Variants in GSK3B observed in about 807,000 individuals in gnomAD.
GSK3B encodes the protein glycogen synthase kinase-3 beta.
In GSK3B, 15 loss-of-function variants were observed where a neutral mutation model predicts 56.4. That is an observed-to-expected ratio of 0.27 (90% CI 0.18 to 0.41). The LOEUF (loss-of-function observed/expected upper bound fraction) is 0.41. Among genes scored for constraint, GSK3B ranks in the 10% least tolerant of loss-of-function variants. The pLI is 1.00. For missense variants in GSK3B, 300 were observed against 513.4 expected, an observed-to-expected ratio of 0.58 and a Z score of 4.02; for synonymous variants, 181 against 188.9, an observed-to-expected ratio of 0.96 and a Z score of 0.34.
Position 119,947,314 on chromosome 3 carries a change from C to T in GSK3B, c.320G>A (p.Cys107Tyr), listed in dbSNP as rs773253962. 2 of 1,607,078 alleles carry T rather than the reference C, an allele frequency of 1.2e-6. No individual in the cohort carries two copies. The highest frequency in any genetic ancestry group is 8.5e-7 in the Non-Finnish European group (1 of 1,173,894). ...ELQIMRKLDHCNIVRLRYFFY... is the reference protein window; with the variant it reads ...ELQIMRKLDHYNIVRLRYFFY... ...GAAATAACGCAATCGGACTATGTTA[C>T]AGTGATCTAGCTTTCTCATGATCTG... The change falls in exon 3 of 11, where the codon TGT (cysteine) becomes TAT (tyrosine). Residue 107 changes from cysteine to tyrosine, a missense_variant. By Grantham distance (194) the Cys-to-Tyr change is radical. Transcript: ENST00000264235.
At chr3:119,913,660 CAA>C (rs199773113) in intron 5 of GSK3B, among the ~76,000 whole-genome samples, 1 of 141,402 alleles carries the variant, frequency 7.1e-6, no homozygotes, top group African/African-American at 2.6e-5. Flanking sequence ...CAGTAAGTGC[CAA>C]AAAAAAAAAG....
intron 1 of GSK3B, among the ~76,000 whole-genome samples, chr3:120,013,254 G>A (rs1293680173): frequency 6.6e-6 from 1 of 152,154 alleles, no homozygotes; most frequent in African/African-American, 2.4e-5. Context: ...GTAGGTGTCT[G>A]GCACTGACAC....
At position 119,906,637 on chromosome 3, in the gene GSK3B, C is replaced by G. The variant is rs759094671; in HGVS notation, c.716-785G>C. On this transcript the variant is annotated intron_variant, in intron 6 of 10. Transcript: ENST00000264235. ...TTATCGGATTAGAAGATAAACCGTA[C>G]GGTCACTCTATTTTAAAGCCCGCTA... 3.3e-5 allele frequency among the ~76,000 whole-genome samples: 5 copies of G among 151,968 alleles called. No individual in the cohort carries two copies. In the East Asian group the frequency reaches 9.7e-4, roughly 29 times the overall value.
intron 10 of GSK3B, among the ~76,000 whole-genome samples, chr3:119,838,074 G>A (rs142371272): frequency 0.017 from 2,503 of 151,396 alleles, 125 homozygotes; most frequent in Admixed American, 0.11. Context: ...GATCACTTGA[G>A]GCCAGGAGTT....
intron 2 of GSK3B, among the ~76,000 whole-genome samples, chr3:119,970,942 G>A (rs1054229619): frequency 6.6e-6 from 1 of 152,020 alleles, no homozygotes; most frequent in Non-Finnish European, 1.5e-5. Flanking sequence ...TCACTGTTTT[G>A]TAGACTTTTC....
At chr3:119,980,444 A>G (rs1192049094) in intron 2 of GSK3B, among the ~76,000 whole-genome samples, 1 of 151,952 alleles carries the variant, frequency 6.6e-6, no homozygotes, top group Non-Finnish European at 1.5e-5. Flanking sequence ...CCTCTGCCTC[A>G]TGGGTTCAAG....
chr3:119,973,311 T>C (rs2057384000), intron 2 of GSK3B, among the ~76,000 whole-genome samples: 1 of 152,198 alleles, frequency 6.6e-6, no homozygotes, highest in Non-Finnish European at 1.5e-5. Flanking sequence ...CTGTTCTGAG[T>C]AGTGTGATGA....
intron 1 of GSK3B, among the ~76,000 whole-genome samples, chr3:120,028,572 G>A (rs1266471023): frequency 3.9e-5 from 6 of 152,188 alleles, no homozygotes; most frequent in African/African-American, 1.4e-4. Flanking sequence ...GAGCTCCTCA[G>A]CTCTACCTCT....
chr3:120,090,289 C>T, intron 1 of GSK3B, among the ~76,000 whole-genome samples: 1 of 151,766 alleles, frequency 6.6e-6, no homozygotes, highest in East Asian at 1.9e-4. Context: ...CCTTAGTTTA[C>T]TGCTCCCGAA....
intron 7 of GSK3B, among the ~76,000 whole-genome samples, chr3:119,895,230 C>T (rs1401963664): frequency 6.6e-6 from 1 of 152,110 alleles, no homozygotes; most frequent in Non-Finnish European, 1.5e-5. Context: ...TCCAGGTTCA[C>T]CCATGTTGTC....
chr3:119,925,848 T>C (rs2056884426), intron 3 of GSK3B, among the ~76,000 whole-genome samples: 1 of 152,182 alleles, frequency 6.6e-6, no homozygotes, highest in African/African-American at 2.4e-5. Context: ...CCAAAATTAT[T>C]CCAGATGAAC....
chr3:119,965,311 G>A (rs1317232350), intron 2 of GSK3B, among the ~76,000 whole-genome samples: 1 of 149,842 alleles, frequency 6.7e-6, no homozygotes, highest in Non-Finnish European at 1.5e-5. Context: ...TGATCCACCT[G>A]CCTCAGCCTC....
intron 9 of GSK3B, among the ~76,000 whole-genome samples, chr3:119,863,124 G>A (rs1040551078): frequency 1.3e-5 from 2 of 152,082 alleles, no homozygotes; most frequent in African/African-American, 4.8e-5. Flanking sequence ...TTGTACATTT[G>A]TCCAATTAGT....
chr3:119,902,032 T>C (rs547017109), intron 7 of GSK3B, among the ~76,000 whole-genome samples: 2 of 152,148 alleles, frequency 1.3e-5, no homozygotes, highest in African/African-American at 2.4e-5. Context: ...TCCCTACTTA[T>C]CATAAGCACT....
intron 9 of GSK3B, among the ~76,000 whole-genome samples, chr3:119,859,915 T>C (rs185935119): frequency 1.1e-4 from 17 of 152,284 alleles, no homozygotes; most frequent in African/African-American, 3.9e-4. Flanking sequence ...CTCTTACTTA[T>C]CTCCCTACAA....
intron 10 of GSK3B, chr3:119,833,023 T>C: frequency 1.0e-6 from 1 of 962,464 alleles, no homozygotes; most frequent in Non-Finnish European, 1.2e-6. Flanking sequence ...AGTCATGGAT[T>C]AATGGTCAAC....
At chr3:119,934,503 A>T (rs1401590106) in intron 3 of GSK3B, among the ~76,000 whole-genome samples, 2 of 152,198 alleles carry the variant, frequency 1.3e-5, no homozygotes, top group Non-Finnish European at 2.9e-5. Flanking sequence ...GTAAGATAAG[A>T]CCACTAACAT....
At chr3:120,063,022 T>C (rs2058250849) in intron 1 of GSK3B, among the ~76,000 whole-genome samples, 1 of 152,230 alleles carries the variant, frequency 6.6e-6, no homozygotes, top group Non-Finnish European at 1.5e-5. Flanking sequence ...CTTATTTATA[T>C]TCAGGACTCT....
chr3:119,824,604 A>G lies in GSK3B; in HGVS notation c.*2184T>C, dbSNP rs1468345646. On this transcript the variant is annotated 3_prime_UTR_variant, in exon 11 of 11. Coordinates refer to ENST00000264235, the MANE Select transcript of GSK3B (RefSeq NM_001146156.2). The stretch of plus-strand genomic sequence containing the variant: ...AATTCTGTCTGAAAATGGTCTATCA[A>G]CGCCACTACCTTTAAGGAGTTATGC... 1 of 204,498 alleles carries G rather than the reference A, an allele frequency of 4.9e-6. No homozygotes were observed. Among genetic ancestry groups the G allele is most frequent in the Non-Finnish European group, 1.0e-5 (1 of 99,908 alleles). The allele number at this position is 204,498 out of a possible 1,614,324, so 12.7% of individuals were successfully genotyped here.
Sources: allele counts gnomAD v4.1 joint callset (sites outside exome capture counted in the v4.1 genomes callset), GRCh38; gene constraint gnomAD v4.1.1; transcripts MANE v1.5; gene names NCBI Gene and HGNC (gene_info 2026-07-23, HGNC 2026-07-21).